The following LSAMP variants were observed in gnomAD, a reference collection of about 807,000 sequenced individuals.
LSAMP encodes the protein limbic system-associated membrane protein.
A neutral mutation model predicts 38.6 loss-of-function variants in LSAMP; 7 were observed. The ratio of observed to expected loss-of-function variants is 0.18; its 90% CI spans 0.10 to 0.34. The LOEUF (loss-of-function observed/expected upper bound fraction) is 0.34. Ranked by LOEUF, LSAMP falls within the 10% of genes least tolerant of loss-of-function variation. The pLI is 1.00. For missense variants in LSAMP, 313 were observed against 420.0 expected, an observed-to-expected ratio of 0.75 and a Z score of 2.23; for synonymous variants, 154 against 166.8, an observed-to-expected ratio of 0.92 and a Z score of 0.59.
At chr3:115,922,910 C>T (rs144517156) in intron 3 of LSAMP, among the ~76,000 whole-genome samples, 1 of 152,276 alleles carries the variant, frequency 6.6e-6, no homozygotes, top group African/African-American at 2.4e-5. Flanking sequence ...CAGCAGACTA[C>T]CAAGCTCTCC....
chr3:116,387,311 T>G (rs371077643), intron 1 of LSAMP, among the ~76,000 whole-genome samples: 1 of 152,152 alleles, frequency 6.6e-6, no homozygotes, highest in African/African-American at 2.4e-5. Flanking sequence ...CCTGACTATT[T>G]ATAATGTCCA....
intron 2 of LSAMP, among the ~76,000 whole-genome samples, chr3:116,047,452 CATT>C (rs1941314515): frequency 6.6e-6 from 1 of 151,464 alleles, no homozygotes; most frequent in African/African-American, 2.4e-5. Flanking sequence ...TAAAGCCCAT[CATT>C]CTGGACTCGA....
In LSAMP at chr3:116,209,804, C is replaced by T. The variant is rs189819186; in HGVS notation, c.156-123248G>A. 2.2e-4 allele frequency among the ~76,000 whole-genome samples: 33 copies of T among 152,106 alleles called. 1 individual carries two copies. The Middle Eastern group carries it at 0.024, about 110-fold the overall frequency. On this transcript the variant is annotated intron_variant, in intron 1 of 6. Coordinates refer to ENST00000490035, the MANE Select transcript of LSAMP (RefSeq NM_002338.5). ...TTTCACTCTGTCCCCCAGGCTGGAGCGCAGTGGCACGATCTCCGCTCACTG... is the reference window on the plus strand; with the variant it reads ...TTTCACTCTGTCCCCCAGGCTGGAGTGCAGTGGCACGATCTCCGCTCACTG...
chr3:116,319,224 C>T (rs917163009), intron 1 of LSAMP, among the ~76,000 whole-genome samples: 1 of 152,086 alleles, frequency 6.6e-6, no homozygotes, highest in Non-Finnish European at 1.5e-5. Flanking sequence ...GCTTCCTTTC[C>T]TCTATAAAAA....
chr3:116,353,802 T>C (rs1167564536), intron 1 of LSAMP, among the ~76,000 whole-genome samples: 1 of 152,144 alleles, frequency 6.6e-6, no homozygotes, highest in Admixed American at 6.6e-5. Context: ...TATGAGCACG[T>C]TGACACAAAC....
chr3:116,343,568 G>C lies in LSAMP; in HGVS notation c.155+101309C>G, dbSNP rs184132582. 8.4e-3 allele frequency among the ~76,000 whole-genome samples: 1,286 copies of C among 152,238 alleles called. 9 individuals carry two copies. Among genetic ancestry groups the C allele is most frequent in the Non-Finnish European group, 0.011 (774 of 68,000 alleles). On this transcript the variant is annotated intron_variant, in intron 1 of 6. Transcript: ENST00000490035. ...AAACATGGTCAGTAAAATGCATCATGCCATGTATAAGATGGTCTGTACTGC... is the reference window on the plus strand; with the variant it reads ...AAACATGGTCAGTAAAATGCATCATCCCATGTATAAGATGGTCTGTACTGC...
chr3:116,222,119 G>C (rs921627003), intron 1 of LSAMP, among the ~76,000 whole-genome samples: 1 of 151,856 alleles, frequency 6.6e-6, no homozygotes, highest in Admixed American at 6.6e-5. Flanking sequence ...CTACTGATCC[G>C]GGTTCTAATC....
At chr3:115,818,700 CAAGT>C (rs1212366148) in intron 6 of LSAMP, among the ~76,000 whole-genome samples, 2 of 144,410 alleles carry the variant, frequency 1.4e-5, no homozygotes, top group African/African-American at 5.1e-5. Flanking sequence ...TACATCTTAA[CAAGT>C]AAGTCATGGC....
intron 1 of LSAMP, among the ~76,000 whole-genome samples, chr3:116,190,276 G>A (rs1212273095): frequency 6.6e-6 from 1 of 152,034 alleles, no homozygotes; most frequent in Non-Finnish European, 1.5e-5. Flanking sequence ...TATACTTGCA[G>A]TGAGTGATAG....
intron 1 of LSAMP, among the ~76,000 whole-genome samples, chr3:116,379,008 C>G (rs2048525004): frequency 6.6e-6 from 1 of 151,116 alleles, no homozygotes; most frequent in South Asian, 2.1e-4. Flanking sequence ...CACACACACA[C>G]ACACACACAC....
intron 3 of LSAMP, among the ~76,000 whole-genome samples, chr3:115,937,740 T>C (rs2107551962): frequency 6.6e-6 from 1 of 152,242 alleles, no homozygotes; most frequent in South Asian, 2.1e-4. Flanking sequence ...AAACATACTA[T>C]TCCTTTGTTA....
At chr3:116,278,754 G>A (rs963903179) in intron 1 of LSAMP, among the ~76,000 whole-genome samples, 1 of 152,128 alleles carries the variant, frequency 6.6e-6, no homozygotes, top group Non-Finnish European at 1.5e-5. Flanking sequence ...GCACATTGCT[G>A]TTGCTCAGTA....
intron 3 of LSAMP, among the ~76,000 whole-genome samples, chr3:115,992,801 TG>T (rs1939709250): frequency 6.6e-6 from 1 of 152,066 alleles, no homozygotes; most frequent in Non-Finnish European, 1.5e-5. Context: ...GAAGTTGCAT[TG>T]ATATGACTGC....
intron 3 of LSAMP, among the ~76,000 whole-genome samples, chr3:115,911,241 A>G (rs1937126993): frequency 6.6e-6 from 1 of 152,160 alleles, no homozygotes; most frequent in Non-Finnish European, 1.5e-5. Flanking sequence ...TCTTATTGCT[A>G]TGTAGTGTTT....
chr3:116,324,107 T>C (rs1190866939), intron 1 of LSAMP, among the ~76,000 whole-genome samples: 2 of 152,186 alleles, frequency 1.3e-5, no homozygotes, highest in Non-Finnish European at 2.9e-5. Flanking sequence ...GTATTGTTTA[T>C]TTGACTAATT....
chr3:116,309,171 A>G (rs549269756), intron 1 of LSAMP, among the ~76,000 whole-genome samples: 10 of 152,230 alleles, frequency 6.6e-5, no homozygotes, highest in African/African-American at 2.4e-4. Flanking sequence ...TCAATTAGCA[A>G]TTACATTAAA....
intron 3 of LSAMP, among the ~76,000 whole-genome samples, chr3:115,902,286 T>A (rs1936894939): frequency 1.3e-5 from 2 of 152,020 alleles, no homozygotes; most frequent in Non-Finnish European, 2.9e-5. Flanking sequence ...ATAATAAAGA[T>A]AAGTGCCCAT....
intron 3 of LSAMP, among the ~76,000 whole-genome samples, chr3:116,014,387 G>A (rs1940418217): frequency 6.6e-6 from 1 of 151,984 alleles, no homozygotes; most frequent in African/African-American, 2.4e-5. Flanking sequence ...TGTATTGATG[G>A]ATGACATATT....
chr3:116,297,206 T>C (rs931066722), intron 1 of LSAMP, among the ~76,000 whole-genome samples: 1 of 152,142 alleles, frequency 6.6e-6, no homozygotes, highest in Admixed American at 6.5e-5. Context: ...GCTATATAGA[T>C]AGAAGATGTA....
Sources: allele counts gnomAD v4.1 joint callset (sites outside exome capture counted in the v4.1 genomes callset), GRCh38; gene constraint gnomAD v4.1.1; transcripts MANE v1.5; gene names NCBI Gene and HGNC (gene_info 2026-07-23, HGNC 2026-07-21).